DIAPH3: variants seen among roughly 807,000 people sequenced by gnomAD.
DIAPH3 encodes protein diaphanous homolog 3.
Under a neutral mutation model 144.3 loss-of-function variants are expected in DIAPH3, and 117 were observed. The ratio of observed to expected loss-of-function variants is 0.81; its 90% CI spans 0.70 to 0.95. The LOEUF is 0.95. DIAPH3 is among the 40% of genes least tolerant of loss of function. The pLI is 0.00. For missense variants in DIAPH3, 1,421 were observed against 1,412.7 expected (o/e 1.01, Z -0.09); for synonymous variants, 519 against 488.9 (o/e 1.06, Z -0.81).
intron 27 of DIAPH3, among the ~76,000 whole-genome samples, chr13:59,747,003 T>C: frequency 6.6e-6 from 1 of 152,192 alleles, no homozygotes; most frequent in East Asian, 1.9e-4. Context: ...ATATAATTAC[T>C]TGGAAACATT....
intron 22 of DIAPH3, among the ~76,000 whole-genome samples, chr13:59,841,575 C>CA (rs1180107194): frequency 6.6e-6 from 1 of 152,150 alleles, no homozygotes; most frequent in Non-Finnish European, 1.5e-5. Context: ...GCCTGAGTGA[C>CA]AGAGCAAGAC....
At chr13:60,039,848 G>T (rs1490300478) in intron 5 of DIAPH3, among the ~76,000 whole-genome samples, 1 of 152,102 alleles carries the variant, frequency 6.6e-6, no homozygotes, top group Non-Finnish European at 1.5e-5. Context: ...TAACAGGAAA[G>T]TCCAAAAATT....
Position 59,793,641 on chromosome 13 carries a change from C to G in DIAPH3, c.3163+17147G>C, listed in dbSNP as rs145295480. On this transcript the variant is annotated intron_variant, in intron 25 of 27. Transcript: ENST00000400324. The stretch of plus-strand genomic sequence containing the variant: ...TGTCAAGGTCCTCTTCTGGGATCTT[C>G]TTACTCTGCTCATTCTTACACCATT... Among the ~76,000 whole-genome samples, 133 of 152,296 alleles carry G rather than the reference C, an allele frequency of 8.7e-4. 1 individual carries two copies. Among genetic ancestry groups the G allele is most frequent in the African/African-American group, 3.1e-3 (127 of 41,574 alleles).
chr13:60,018,928 C>T (rs12429863), intron 5 of DIAPH3, among the ~76,000 whole-genome samples: 36,361 of 152,010 alleles, frequency 0.24, 5,380 homozygotes, highest in Admixed American at 0.37. Flanking sequence ...ATGCATAAAA[C>T]ATCTCCCTGT....
At chr13:59,919,154 GGAAT>G (rs910795500) in intron 18 of DIAPH3, among the ~76,000 whole-genome samples, 10 of 151,894 alleles carry the variant, frequency 6.6e-5, no homozygotes, top group African/African-American at 2.2e-4. Flanking sequence ...TGAATGAAAA[GGAAT>G]GAAGAAAACG....
At chr13:60,044,424 A>G (rs2055915111) in intron 4 of DIAPH3, 1 of 152,190 alleles carries the variant, frequency 6.6e-6, no homozygotes. Flanking sequence ...CAATGGTACA[A>G]TCTCCGAAAA....
chr13:59,959,404 T>C (rs1421179234), intron 17 of DIAPH3, among the ~76,000 whole-genome samples: 2 of 152,212 alleles, frequency 1.3e-5, no homozygotes, highest in African/African-American at 4.8e-5. Context: ...GTGGATATTT[T>C]ACCCCACATG....
intron 7 of DIAPH3, among the ~76,000 whole-genome samples, chr13:60,015,628 GA>G (rs1040842741): frequency 3.8e-5 from 5 of 131,188 alleles, no homozygotes; most frequent in African/African-American, 1.4e-4. Context: ...TGGGTGGAGA[GA>G]AAAAAAGAAA....
At chr13:59,882,378 C>T (rs2045119154) in intron 20 of DIAPH3, among the ~76,000 whole-genome samples, 1 of 152,202 alleles carries the variant, frequency 6.6e-6, no homozygotes, top group Admixed American at 6.5e-5. Context: ...GCATGAGCCA[C>T]TGCGCCCAGC....
chr13:59,815,412 T>C (rs1020959861), intron 24 of DIAPH3, among the ~76,000 whole-genome samples: 16 of 152,324 alleles, frequency 1.1e-4, no homozygotes, highest in Admixed American at 9.8e-4. Context: ...TTTTAATTGA[T>C]ATCTTCACAA....
At chr13:59,706,848 T>C (rs1015694014) in intron 27 of DIAPH3, among the ~76,000 whole-genome samples, 17 of 152,240 alleles carry the variant, frequency 1.1e-4, no homozygotes, top group African/African-American at 4.1e-4. Flanking sequence ...ATTGTCTATA[T>C]TTGCATTTGT....
chr13:59,712,858 C>A (rs2034823009), intron 27 of DIAPH3, among the ~76,000 whole-genome samples: 1 of 152,146 alleles, frequency 6.6e-6, no homozygotes, highest in Admixed American at 6.6e-5. Context: ...TCATGGAAGA[C>A]AATTTTTCCA....
chr13:60,074,436 G>A (rs1034749639), intron 4 of DIAPH3, among the ~76,000 whole-genome samples: 2 of 152,148 alleles, frequency 1.3e-5, no homozygotes, highest in Non-Finnish European at 2.9e-5. Flanking sequence ...CGTGATCCGA[G>A]GGATGGCTGC....
intron 27 of DIAPH3, among the ~76,000 whole-genome samples, chr13:59,747,284 T>A (rs2036755943): frequency 6.6e-6 from 1 of 152,202 alleles, no homozygotes; most frequent in Non-Finnish European, 1.5e-5. Context: ...CTGGTAAGAC[T>A]TGACTCTGGC....
chr13:60,027,177 G>T (rs1053709223), intron 5 of DIAPH3, among the ~76,000 whole-genome samples: 1 of 152,196 alleles, frequency 6.6e-6, no homozygotes, highest in African/African-American at 2.4e-5. Context: ...CTAGGAGGGA[G>T]TACAAAGCAC....
At chr13:59,753,448 A>G (rs1313676386) in intron 27 of DIAPH3, among the ~76,000 whole-genome samples, 1 of 152,196 alleles carries the variant, frequency 6.6e-6, no homozygotes, top group Non-Finnish European at 1.5e-5. Context: ...TTTGGGACTC[A>G]AAAGTGTACT....
intron 27 of DIAPH3, among the ~76,000 whole-genome samples, chr13:59,683,038 A>G (rs1397481880): frequency 6.6e-6 from 1 of 152,226 alleles, no homozygotes; most frequent in East Asian, 1.9e-4. Flanking sequence ...AAGGCACAAG[A>G]TAAAGAATAT....
chr13:60,120,997 T>C lies in DIAPH3; in HGVS notation c.214-8811A>G, dbSNP rs193052268. On this transcript the variant is annotated intron_variant, in intron 2 of 27. Transcript: ENST00000400324. ...AATACTTTTAAATGCCTAAAATATA[T>C]ACGAACTAAAGTAAAATGAGGTTAT... Among the ~76,000 whole-genome samples the C allele has an allele frequency of 3.8e-3, 585 of 152,296 alleles. 1 individual carries two copies. The highest frequency in any genetic ancestry group is 6.3e-3 in the Non-Finnish European group (429 of 68,026).
intron 20 of DIAPH3, among the ~76,000 whole-genome samples, chr13:59,906,114 C>A (rs933655243): frequency 3.9e-5 from 6 of 152,118 alleles, no homozygotes; most frequent in Non-Finnish European, 8.8e-5. Flanking sequence ...TAATGCACTG[C>A]CTTCAAATAC....
Sources: allele counts gnomAD v4.1 joint callset (sites outside exome capture counted in the v4.1 genomes callset), GRCh38; gene constraint gnomAD v4.1.1; transcripts MANE v1.5; gene names NCBI Gene and HGNC (gene_info 2026-07-23, HGNC 2026-07-21).